COL4A3: variants seen among roughly 807,000 people sequenced by gnomAD.
COL4A3 encodes collagen alpha-3(IV) chain.
COL4A3 carries 135 observed loss-of-function variants against 217.4 expected under a neutral mutation model. That is an observed-to-expected ratio of 0.62 (90% CI 0.54 to 0.72). The LOEUF (loss-of-function observed/expected upper bound fraction) is 0.72, where lower values mean the gene tolerates loss of function less well. Among genes scored for constraint, COL4A3 ranks in the 30% least tolerant of loss-of-function variants. The probability of loss-of-function intolerance (pLI) is 0.00; values close to 1 mark genes in which losing one functional copy is unlikely to be tolerated. For missense variants in COL4A3, 1,868 were observed against 2,119.9 expected (o/e 0.88, Z 2.33); for synonymous variants, 690 against 736.3 (o/e 0.94, Z 1.02).
intron 50 of COL4A3, among the ~76,000 whole-genome samples, chr2:227,309,885 C>CTTT (rs2073675572): frequency 6.6e-6 from 1 of 152,048 alleles, no homozygotes; most frequent in Non-Finnish European, 1.5e-5. Flanking sequence ...ACTCAGCCTC[C>CTTT]CAAAGTGCTG....
intron 1 of COL4A3, among the ~76,000 whole-genome samples, chr2:227,194,978 T>C (rs2066413115): frequency 6.6e-6 from 1 of 152,048 alleles, no homozygotes; most frequent in Non-Finnish European, 1.5e-5. Flanking sequence ...ATTACCAAAA[T>C]TAAGAGATAG....
intron 1 of COL4A3, among the ~76,000 whole-genome samples, chr2:227,174,575 C>T (rs769064487): frequency 3.9e-5 from 6 of 152,014 alleles, no homozygotes; most frequent in Non-Finnish European, 7.4e-5. Context: ...GGCGCAATCT[C>T]GGCTCACTGC....
intron 26 of COL4A3, among the ~76,000 whole-genome samples, chr2:227,274,512 T>G (rs2071440182): frequency 6.6e-6 from 1 of 151,804 alleles, no homozygotes; most frequent in East Asian, 1.9e-4. Flanking sequence ...TTTTTTTTTT[T>G]GTCTGAGATG....
chr2:227,274,167 G>A (rs1285242683), intron 26 of COL4A3, among the ~76,000 whole-genome samples: 3 of 152,062 alleles, frequency 2.0e-5, no homozygotes, highest in South Asian at 2.1e-4. Context: ...AACCTGGAAG[G>A]TGGAGGTTGC....
rs889295462 is a variant in COL4A3 at position 227,299,311 on chromosome 2, C to T, written c.3882+499C>T. Among the ~76,000 whole-genome samples, 28 of 152,326 alleles carry T rather than the reference C, an allele frequency of 1.8e-4. No individual in the cohort carries two copies. In the East Asian group the frequency reaches 4.2e-3, roughly 23 times the overall value. ...TCAGGAGGCTGAGGCAGGAGAATGGCGTGAACCCGGGAGGCGGAGCTTGCA... is the reference window on the plus strand; with the variant it reads ...TCAGGAGGCTGAGGCAGGAGAATGGTGTGAACCCGGGAGGCGGAGCTTGCA... On this transcript the variant is annotated intron_variant, in intron 43 of 51. Coordinates refer to ENST00000396578, the MANE Select transcript of COL4A3 (RefSeq NM_000091.5).
rs930906338 is a variant in COL4A3, at chr2:227,169,405, C to T, written c.87+4592C>T. The stretch of plus-strand genomic sequence containing the variant: ...ATTCATAATCCTTTGGGTATATACC[C>T]AGTAATGGGATGGCTGGGTCAAATG... On this transcript the variant is annotated intron_variant, in intron 1 of 51. Transcript: ENST00000396578. Among the ~76,000 whole-genome samples, 30 of 150,856 alleles carry T rather than the reference C, an allele frequency of 2.0e-4. 2 individuals are homozygous for T. The highest frequency in any genetic ancestry group is 4.0e-4 in the Admixed American group (6 of 14,994).
intron 3 of COL4A3, among the ~76,000 whole-genome samples, chr2:227,241,622 C>T (rs2069024566): frequency 6.6e-6 from 1 of 151,958 alleles, no homozygotes; most frequent in Non-Finnish European, 1.5e-5. Context: ...TGCAGTGAGC[C>T]ATGATCATGC....
intron 1 of COL4A3, among the ~76,000 whole-genome samples, chr2:227,193,742 AGGGAG>A (rs776945187): frequency 2.6e-5 from 1 of 39,180 alleles, no homozygotes; most frequent in Non-Finnish European, 4.8e-5. Context: ...GGAGGGAGGG[AGGGAG>A]GGAAGGAAGG....
At chr2:227,279,382 G>A (rs887578999) in intron 28 of COL4A3, 1 of 157,918 alleles carries the variant, frequency 6.3e-6, no homozygotes, top group Non-Finnish European at 1.4e-5. Context: ...CTCCCAAAGT[G>A]CTGGGATTAT....
intron 34 of COL4A3, among the ~76,000 whole-genome samples, chr2:227,285,475 G>A (rs2072263334): frequency 6.6e-6 from 1 of 151,690 alleles, no homozygotes; most frequent in African/African-American, 2.4e-5. Context: ...AGAAAGTAAT[G>A]CGACTTTTAT....
intron 8 of COL4A3, among the ~76,000 whole-genome samples, chr2:227,248,057 A>G (rs2069456771): frequency 6.6e-6 from 1 of 152,156 alleles, no homozygotes; most frequent in South Asian, 2.1e-4. Context: ...CTTCTGTCTC[A>G]GTCTCCCAAG....
chr2:227,303,570 A>G (rs1390391951), intron 44 of COL4A3, among the ~76,000 whole-genome samples: 1 of 152,234 alleles, frequency 6.6e-6, no homozygotes, highest in Non-Finnish European at 1.5e-5. Context: ...TCTGAACTCA[A>G]AAAGTGGACT....
chr2:227,196,976 G>A (rs2066506046), intron 1 of COL4A3, among the ~76,000 whole-genome samples: 3 of 152,236 alleles, frequency 2.0e-5, no homozygotes, highest in East Asian at 3.9e-4. Context: ...ATGGGGGGTA[G>A]GTATTTATCA....
chr2:227,231,500 C>A (rs549257545), intron 1 of COL4A3, among the ~76,000 whole-genome samples: 49 of 152,158 alleles, frequency 3.2e-4, no homozygotes, highest in South Asian at 6.2e-4. Flanking sequence ...AGCATTTATC[C>A]CTTGAGTTAC....
At chr2:227,189,644 G>A (rs2066155993) in intron 1 of COL4A3, among the ~76,000 whole-genome samples, 1 of 152,150 alleles carries the variant, frequency 6.6e-6, no homozygotes, top group Admixed American at 6.5e-5. Context: ...ATAACCCAGA[G>A]TTCTAATTTG....
At chr2:227,283,568 A>G (rs1044416194) in intron 32 of COL4A3, among the ~76,000 whole-genome samples, 199 bp from the exon 33 acceptor site, 1 of 152,244 alleles carries the variant, frequency 6.6e-6, no homozygotes, top group Non-Finnish European at 1.5e-5. Flanking sequence ...TTTGCTACCA[A>G]TCACTTCCAC....
At chr2:227,298,622 A>G in intron 42 of COL4A3, 60 bp from the exon 43 acceptor site, 1 of 1,608,918 alleles carries the variant, frequency 6.2e-7, no homozygotes, top group South Asian at 1.1e-5. Flanking sequence ...ACAATCACTG[A>G]TAAATAGAAC....
intron 37 of COL4A3, chr2:227,291,134 G>T (rs2072674174): frequency 2.1e-6 from 1 of 483,610 alleles, no homozygotes. Flanking sequence ...ATTTAGGTGT[G>T]CTGCCAGAAG....
chr2:227,166,670 TGAAGTA>T (rs1352710077), intron 1 of COL4A3, among the ~76,000 whole-genome samples: 1 of 152,242 alleles, frequency 6.6e-6, no homozygotes, highest in Non-Finnish European at 1.5e-5. Context: ...TCTCATCACT[TGAAGTA>T]AGTCTTTCAT....
Sources: gnomAD v4.1 joint callset for allele counts (sites outside exome capture counted in the v4.1 genomes callset) on GRCh38, gnomAD v4.1.1 for gene constraint, MANE v1.5 for transcripts, NCBI Gene and HGNC (gene_info 2026-07-23, HGNC 2026-07-21) for gene names.